Variants in STK32B observed in about 807,000 individuals in gnomAD.
STK32B encodes the protein serine/threonine kinase 32B.
A neutral mutation model predicts 52.6 loss-of-function variants in STK32B; 43 were observed. The ratio of observed to expected loss-of-function variants is 0.82; its 90% CI spans 0.64 to 1.05. STK32B has a LOEUF of 1.05. Among genes scored for constraint, STK32B ranks in the 50% least tolerant of loss-of-function variants. The probability of loss-of-function intolerance (pLI) is 0.00; values close to 1 mark genes in which losing one functional copy is unlikely to be tolerated. For synonymous variants in STK32B, 238 were observed against 204.3 expected, an observed-to-expected ratio of 1.17 and a Z score of -1.41; for missense variants, 621 against 534.6, an observed-to-expected ratio of 1.16 and a Z score of -1.59.
intron 3 of STK32B, among the ~76,000 whole-genome samples, chr4:5,188,520 A>G (rs977545005): frequency 3.3e-5 from 5 of 151,920 alleles, no homozygotes; most frequent in Admixed American, 2.6e-4. Flanking sequence ...TTTTCTCTGG[A>G]AATCTGCAAG....
the STK32B span, among the ~76,000 whole-genome samples, chr4:5,035,502 AC>A: frequency 6.6e-6 from 1 of 152,012 alleles, no homozygotes; most frequent in Non-Finnish European, 1.5e-5. Flanking sequence ...TTGGGTGAAG[AC>A]CCCCACCCAC....
intron 2 of STK32B, among the ~76,000 whole-genome samples, chr4:5,158,412 A>G (rs1718035801): frequency 1.3e-5 from 2 of 151,324 alleles, no homozygotes; most frequent in African/African-American, 4.9e-5. Context: ...GCACACCATC[A>G]CCTCTCTTTG....
intron 1 of STK32B, among the ~76,000 whole-genome samples, chr4:5,127,809 G>A (rs568977779): frequency 2.0e-5 from 3 of 152,266 alleles, no homozygotes; most frequent in South Asian, 2.1e-4. Flanking sequence ...CCCACGTGTC[G>A]TGGTAGGGAC....
intron 5 of STK32B, among the ~76,000 whole-genome samples, chr4:5,402,183 A>G (rs1005574310): frequency 2.3e-4 from 35 of 152,380 alleles, no homozygotes; most frequent in African/African-American, 7.5e-4. Flanking sequence ...ACCTAGAGTC[A>G]GAGAGACTAG....
At position 5,212,759 on chromosome 4, in the gene STK32B, A is replaced by G. The variant is rs1313649353; in HGVS notation, c.260+44309A>G. Among the ~76,000 whole-genome samples, 3 of 152,314 alleles carry G rather than the reference A, an allele frequency of 2.0e-5. No homozygotes were observed. In the East Asian group the frequency reaches 5.8e-4, roughly 29 times the overall value. ...TGCATTCAATTTGGACATAAGTGTCATATTTGCACGAGGTTGGGGCTGCTG... is the reference window on the plus strand; with the variant it reads ...TGCATTCAATTTGGACATAAGTGTCGTATTTGCACGAGGTTGGGGCTGCTG... On this transcript the variant is annotated intron_variant, in intron 3 of 11. Transcript: ENST00000282908.
intron 3 of STK32B, among the ~76,000 whole-genome samples, chr4:5,172,185 T>G (rs182027683): frequency 6.6e-6 from 1 of 152,330 alleles, no homozygotes; most frequent in African/African-American, 2.4e-5. Context: ...CTGAAGTTGC[T>G]TATTAGGTTA....
At chr4:5,159,483 A>AATACATATGAAT (rs1553840243) in intron 2 of STK32B, among the ~76,000 whole-genome samples, 1 of 136,862 alleles carries the variant, frequency 7.3e-6, no homozygotes, top group Non-Finnish European at 1.5e-5. Flanking sequence ...CATATATATG[A>AATACATATGAAT]ATACATATGA....
At chr4:5,407,987 A>C (rs577074813) in intron 5 of STK32B, among the ~76,000 whole-genome samples, 43 of 152,252 alleles carry the variant, frequency 2.8e-4, no homozygotes, top group Non-Finnish European at 5.0e-4. Context: ...ATGTGAGAAC[A>C]CAGCAAGAAG....
intron 1 of STK32B, among the ~76,000 whole-genome samples, chr4:5,100,925 A>G (rs1458146885): frequency 7.1e-6 from 1 of 140,026 alleles, no homozygotes; most frequent in Non-Finnish European, 1.5e-5. Flanking sequence ...CATTTCTTGG[A>G]TCTCACTCTG....
chr4:5,404,189 C>G (rs1176103692), intron 5 of STK32B, among the ~76,000 whole-genome samples: 1 of 152,110 alleles, frequency 6.6e-6, no homozygotes, highest in African/African-American at 2.4e-5. Context: ...AACGTATTGT[C>G]TCACAGTTCT....
chr4:5,496,122 C>T lies in STK32B; in HGVS notation c.1107-2823C>T, dbSNP rs371613829. 9.7e-4 allele frequency among the ~76,000 whole-genome samples: 147 copies of T among 152,312 alleles called. 1 individual carries two copies. The East Asian group carries it at 0.015, about 15-fold the overall frequency. ...TCTCTTCAAAGCTGTCAGACAGGGA[C>T]ATTTAAGTCTGCAGAGGTTACTGCT... On this transcript the variant is annotated intron_variant, in intron 11 of 11. Coordinates refer to ENST00000282908, the MANE Select transcript of STK32B (RefSeq NM_018401.3).
intron 3 of STK32B, among the ~76,000 whole-genome samples, 185 bp from the exon 4 acceptor site, chr4:5,331,035 T>C (rs1300366118): frequency 6.6e-6 from 1 of 152,066 alleles, no homozygotes; most frequent in African/African-American, 2.4e-5. Flanking sequence ...CCCCAACAAA[T>C]GTGGAGGCAG....
At chr4:5,446,480 C>T (rs1027813528) in intron 6 of STK32B, among the ~76,000 whole-genome samples, 193 bp from the exon 7 acceptor site, 2 of 151,390 alleles carry the variant, frequency 1.3e-5, no homozygotes, top group Non-Finnish European at 2.9e-5. Flanking sequence ...GAAGGAGAAT[C>T]GCTTGAACTA....
chr4:5,075,279 C>T (rs539190518), intron 1 of STK32B, among the ~76,000 whole-genome samples: 1 of 152,210 alleles, frequency 6.6e-6, no homozygotes, highest in African/African-American at 2.4e-5. Flanking sequence ...ATCATTCTGC[C>T]ATAACTTCTC....
At position 5,480,116 on chromosome 4, in the gene STK32B, T is replaced by TATTA. The variant is rs1380128109; in HGVS notation, c.1106+12051_1106+12054dup. Among the ~76,000 whole-genome samples the TATTA allele has an allele frequency of 2.6e-5, 4 of 152,332 alleles. 1 individual carries two copies. The South Asian group carries it at 8.3e-4, about 32-fold the overall frequency. Reference sequence around the variant, plus strand: ...AGCACTACCCAATGTTTCCTAGTAATATTAATTATTTACAAAATTATCAGA... The same window carrying TATTA: ...AGCACTACCCAATGTTTCCTAGTAATATTAATTAATTATTTACAAAATTATCAGA... On this transcript the variant is annotated intron_variant, in intron 11 of 11. Coordinates refer to ENST00000282908, the MANE Select transcript of STK32B (RefSeq NM_018401.3).
At chr4:5,105,791 C>T (rs1714073702) in intron 1 of STK32B, among the ~76,000 whole-genome samples, 1 of 151,816 alleles carries the variant, frequency 6.6e-6, no homozygotes, top group African/African-American at 2.4e-5. Context: ...TCTCGATCTC[C>T]TGACCTAGTG....
At chr4:5,289,002 C>A (rs1380453488) in intron 3 of STK32B, among the ~76,000 whole-genome samples, 1 of 152,174 alleles carries the variant, frequency 6.6e-6, no homozygotes, top group Non-Finnish European at 1.5e-5. Flanking sequence ...GTTGAAAAAA[C>A]AGTCATATGT....
intron 2 of STK32B, among the ~76,000 whole-genome samples, chr4:5,167,060 A>G (rs1282565842): frequency 2.6e-5 from 4 of 152,026 alleles, no homozygotes; most frequent in African/African-American, 9.7e-5. Flanking sequence ...CCTCGGCTCC[A>G]CGCCCTCCGT....
intron 3 of STK32B, among the ~76,000 whole-genome samples, chr4:5,248,560 G>T (rs990687828): frequency 2.0e-5 from 3 of 152,074 alleles, no homozygotes; most frequent in Non-Finnish European, 4.4e-5. Context: ...GTCTTTTTAT[G>T]CCATGAATAT....
Sources: gnomAD v4.1 joint callset for allele counts (sites outside exome capture counted in the v4.1 genomes callset) on GRCh38, gnomAD v4.1.1 for gene constraint, MANE v1.5 for transcripts, NCBI Gene and HGNC (gene_info 2026-07-23, HGNC 2026-07-21) for gene names.